PI16: variants seen among roughly 807,000 people sequenced by gnomAD.
The protein encoded by PI16 is peptidase inhibitor 16, also known as PSP94-binding protein.
PI16 carries 35 observed loss-of-function variants against 38.0 expected under a neutral mutation model. That is an observed-to-expected ratio of 0.92 (90% CI 0.70 to 1.22). PI16 has a LOEUF of 1.22. PI16 is among the 50% of genes most tolerant of loss of function. The pLI is 0.00. For synonymous variants in PI16, 275 were observed against 252.9 expected, an observed-to-expected ratio of 1.09 and a Z score of -0.83; for missense variants, 572 against 593.8, an observed-to-expected ratio of 0.96 and a Z score of 0.38.
At chr6:36,958,397 T>C (rs909178004) in intron 1 of PI16, among the ~76,000 whole-genome samples, 1 of 152,150 alleles carries the variant, frequency 6.6e-6, no homozygotes, top group African/African-American at 2.4e-5. Flanking sequence ...GAACCTAAAA[T>C]TCCCCCTCTC....
chr6:36,963,084 G>A lies in PI16; in HGVS notation c.742G>A (p.Val248Ile). Residue 248 changes from valine to isoleucine, a missense_variant, in exon 5 of 7, where the codon GTC (valine) becomes ATC (isoleucine). Physicochemically the swap from Val to Ile is conservative, Grantham distance 29. Transcript: ENST00000373674. ...TGIPAFLVTE[V>I]SGSLATKALP... ...GATTCCGGCTTTCTTGGTAACAGAG[G>A]TCTCAGGCTCCCTGGCAACCAAGGC... 2 of 1,614,204 alleles carry A rather than the reference G, an allele frequency of 1.2e-6. No homozygotes were observed. Among genetic ancestry groups the A allele is most frequent in the African/African-American group, 1.3e-5 (1 of 75,056 alleles).
At chr6:36,950,968 A>C (rs1763090349), upstream of PI16, among the ~76,000 whole-genome samples, 1 of 152,158 alleles carries the variant, frequency 6.6e-6, no homozygotes, top group Admixed American at 6.5e-5. The surrounding 1 kb of genome is among the most constrained non-coding windows in gnomAD (Gnocchi z 4.2). Context: ...CACCTTTTAC[A>C]TTCCCAGAAG....
intron 1 of PI16, among the ~76,000 whole-genome samples, chr6:36,949,289 T>A (rs185047624): frequency 1.3e-5 from 2 of 152,198 alleles, no homozygotes; most frequent in African/African-American, 4.8e-5. Flanking sequence ...ACCTGGCTAA[T>A]TTTTGTATTT....
intron 2 of PI16, among the ~76,000 whole-genome samples, chr6:36,960,804 C>G (rs1319143394): frequency 6.6e-6 from 1 of 152,102 alleles, no homozygotes; most frequent in South Asian, 2.1e-4. Context: ...CACGGGGAGA[C>G]CTTCAGCTGA....
chr6:36,953,917 C>A (rs1571397), upstream of PI16, among the ~76,000 whole-genome samples: 70,158 of 152,096 alleles, frequency 0.46, 16,642 homozygotes, highest in African/African-American at 0.55. Flanking sequence ...GTCCCAGCAT[C>A]CCACTTCCAA....
intron 1 of PI16, among the ~76,000 whole-genome samples, chr6:36,949,168 G>T (rs1224326634): frequency 6.8e-6 from 1 of 147,666 alleles, no homozygotes; most frequent in African/African-American, 2.5e-5. Context: ...TTGCTCTGTC[G>T]CCCAGGCTGG....
chr6:36,952,430 G>A (rs900242509), upstream of PI16, among the ~76,000 whole-genome samples: 24 of 152,116 alleles, frequency 1.6e-4, no homozygotes, highest in African/African-American at 5.8e-4. Flanking sequence ...GAGTTTTGTA[G>A]TTTTAGCTTT....
At chr6:36,959,505 C>T in intron 2 of PI16, 139 bp downstream of exon 2, 3 of 824,498 alleles carry the variant, frequency 3.6e-6, no homozygotes, top group Non-Finnish European at 5.5e-6. Context: ...TCCAAGCCCC[C>T]TCAGACACTT....
rs1369919578 is a variant in PI16 at position 36,963,151 on chromosome 6, C to T, written c.809C>T (p.Thr270Met). Residue 270 changes from threonine to methionine, a missense_variant, in exon 5 of 7, where the codon ACG becomes ATG. Thr to Met is a moderately conservative substitution (Grantham distance 81). Coordinates refer to ENST00000373674, the MANE Select transcript of PI16 (RefSeq NM_153370.3). Reference protein sequence around the residue: ...VETQAPTSLATKDPPSMATEA... With the variant: ...VETQAPTSLAMKDPPSMATEA... ...ACCCAGGCCCCAACTTCCTTAGCAA[C>T]GAAAGACCCGCCCTCCATGGCAACA... The T allele has an allele frequency of 2.5e-6, 4 of 1,614,192 alleles. No homozygotes were observed. Among genetic ancestry groups the T allele is most frequent in the South Asian group, 2.2e-5 (2 of 91,090 alleles).
chr6:36,954,820 C>T lies in PI16; in HGVS notation c.60C>T (p.Ala20=). The T allele has an allele frequency of 1.2e-6, 2 of 1,614,108 alleles. No homozygotes were observed. The highest frequency in any genetic ancestry group is 1.7e-6 in the Non-Finnish European group (2 of 1,180,010). ...TGCCGCTACTGCTACTGCTGGTGGC[C>T]ACCACAGGCCCCGTTGGAGCCCTCA... The part of the protein sequence containing the change: ...LLLPLLLLLV[A]TTGPVGALTD... Residue 20 remains alanine, a synonymous_variant, in exon 1 of 7, where the codon GCC becomes GCT. Coordinates refer to ENST00000373674, the MANE Select transcript of PI16 (RefSeq NM_153370.3).
rs1236755452 is a variant in PI16, at chr6:36,959,273, G to A, written c.300G>A (p.Pro100=). ...TCACAGACGAGGGCATGGACGTGCC[G>A]CTGGCCATGGAGGAGTGGCACCACG... is the stretch of plus-strand genomic sequence containing the variant. ...FAITDEGMDV[P]LAMEEWHHER... The change falls in exon 2 of 7, where the codon CCG becomes CCA. Residue 100 remains proline, a synonymous_variant. Coordinates refer to ENST00000373674, the MANE Select transcript of PI16 (RefSeq NM_153370.3). The A allele has an allele frequency of 1.3e-6, 2 of 1,599,886 alleles. No individual in the cohort carries two copies. Among genetic ancestry groups the A allele is most frequent in the Admixed American group, 1.7e-5 (1 of 58,064 alleles).
intron 1 of PI16, among the ~76,000 whole-genome samples, chr6:36,958,596 G>A (rs1763265152): frequency 6.6e-6 from 1 of 152,130 alleles, no homozygotes; most frequent in Non-Finnish European, 1.5e-5. Flanking sequence ...ACAGCACTGG[G>A]GCGGGAGCCT....
At chr6:36,949,190 G>A (rs533170700) in intron 1 of PI16, among the ~76,000 whole-genome samples, 59 of 150,790 alleles carry the variant, frequency 3.9e-4, no homozygotes, top group African/African-American at 1.2e-3. Flanking sequence ...ATGCAGTGGC[G>A]TGATCTCTGC....
intron 1 of PI16, among the ~76,000 whole-genome samples, chr6:36,948,721 T>G (rs139570820): frequency 8.2e-5 from 5 of 61,200 alleles, no homozygotes; most frequent in African/African-American, 4.0e-4. Flanking sequence ...TCTCTCTCGC[T>G]CTCTCTCTCT....
upstream of PI16, among the ~76,000 whole-genome samples, chr6:36,953,150 C>T (rs147880571): frequency 0.031 from 4,701 of 152,098 alleles, 245 homozygotes; most frequent in African/African-American, 0.11. Flanking sequence ...AACCCCATCT[C>T]TACTAAAAAT....
In PI16 at chr6:36,962,665, G is replaced by A. The variant is rs966673241; in HGVS notation, c.593-270G>A. On this transcript the variant is annotated intron_variant, in intron 4 of 6. Transcript: ENST00000373674. The surrounding 1 kb of genome is among the most constrained non-coding windows in gnomAD (Gnocchi z 4.1). Reference sequence around the variant, plus strand: ...ATTTTGTATTTTTAGTAGAGATGGGGTTTCTCCATGTTGGTCAGGTTGGTC... The same window carrying A: ...ATTTTGTATTTTTAGTAGAGATGGGATTTCTCCATGTTGGTCAGGTTGGTC... Among the ~76,000 whole-genome samples, 1 of 152,124 alleles carries A rather than the reference G, an allele frequency of 6.6e-6. No homozygotes were observed. The highest frequency in any genetic ancestry group is 2.4e-5 in the African/African-American group (1 of 41,418).
upstream of PI16, among the ~76,000 whole-genome samples, chr6:36,953,952 CAG>C (rs1662559592): frequency 6.6e-6 from 1 of 152,238 alleles, no homozygotes; most frequent in South Asian, 2.1e-4. Context: ...CACATGCATT[CAG>C]AGAGGATACC....
intron 6 of PI16, among the ~76,000 whole-genome samples, 169 bp from the exon 7 acceptor site, chr6:36,964,217 G>A (rs1244889939): frequency 6.6e-6 from 1 of 152,188 alleles, no homozygotes; most frequent in Non-Finnish European, 1.5e-5. Context: ...TGTTCTGAGC[G>A]GTATTTACAT....
In PI16 at chr6:36,963,286, T is replaced by C; in HGVS notation, c.944T>C (p.Ile315Thr). ...TTCCCCAAATCGACCCATGTTCCTA[T>C]CCCAAAATCAGCAGACAAAGTGACA... ...VTFPKSTHVP[I>T]PKSADKVTDK... Residue 315 changes from isoleucine to threonine, a missense_variant, in exon 5 of 7, where the codon ATC becomes ACC. By Grantham distance (89) the Ile-to-Thr change is moderately conservative. Coordinates refer to ENST00000373674, the MANE Select transcript of PI16 (RefSeq NM_153370.3). 6.2e-7 allele frequency: 1 copy of C among 1,614,126 alleles called. No individual in the cohort carries two copies.
Sources: allele counts gnomAD v4.1 joint callset (sites outside exome capture counted in the v4.1 genomes callset), GRCh38; gene constraint gnomAD v4.1.1; non-coding constraint Gnocchi (gnomAD v3.1); transcripts MANE v1.5; gene names NCBI Gene and HGNC (gene_info 2026-07-23, HGNC 2026-07-21).